UNC5C: variants seen among roughly 807,000 people sequenced by gnomAD.
UNC5C encodes the protein netrin receptor UNC5C.
Under a neutral mutation model 99.8 loss-of-function variants are expected in UNC5C, and 47 were observed. The ratio of observed to expected loss-of-function variants is 0.47; its 90% confidence interval spans 0.37 to 0.60. The LOEUF is 0.60. Ranked by LOEUF, UNC5C falls within the 20% of genes least tolerant of loss-of-function variation. The probability of loss-of-function intolerance (pLI) is 0.00; values close to 1 mark genes in which losing one functional copy is unlikely to be tolerated. For missense variants in UNC5C, 1,062 were observed against 1,165.9 expected (o/e 0.91, Z 1.30); for synonymous variants, 487 against 452.2 (o/e 1.08, Z -0.98).
At chr4:95,483,693 T>C (rs748076720) in intron 1 of UNC5C, among the ~76,000 whole-genome samples, 13 of 151,874 alleles carry the variant, frequency 8.6e-5, no homozygotes, top group Admixed American at 6.6e-4. Context: ...CTCTCCTTGA[T>C]AACATCTCTT....
At chr4:95,239,680 C>T (rs1388073517) in intron 7 of UNC5C, among the ~76,000 whole-genome samples, 2 of 152,126 alleles carry the variant, frequency 1.3e-5, no homozygotes, top group Non-Finnish European at 2.9e-5. Context: ...TCTCTTTCTG[C>T]ATGCACATGT....
intron 4 of UNC5C, among the ~76,000 whole-genome samples, chr4:95,273,057 T>A (rs1740716799): frequency 6.6e-6 from 1 of 152,234 alleles, no homozygotes; most frequent in Admixed American, 6.5e-5. Context: ...CTTAAAAAAA[T>A]CTGTTCCCTG....
intron 2 of UNC5C, among the ~76,000 whole-genome samples, chr4:95,303,285 C>G (rs1484564432): frequency 6.6e-6 from 1 of 152,198 alleles, no homozygotes; most frequent in African/African-American, 2.4e-5. Flanking sequence ...ATAGGAATCT[C>G]TGGAGGTGGG....
chr4:95,329,552 T>A (rs1743032453), intron 2 of UNC5C, among the ~76,000 whole-genome samples: 1 of 152,156 alleles, frequency 6.6e-6, no homozygotes, highest in African/African-American at 2.4e-5. Flanking sequence ...TATTAACAAA[T>A]GTTTGGATCC....
chr4:95,181,431 A>G (rs571542194), intron 14 of UNC5C, among the ~76,000 whole-genome samples: 37 of 152,298 alleles, frequency 2.4e-4, no homozygotes, highest in Admixed American at 7.2e-4. Flanking sequence ...CACGCAGCCA[A>G]TGTTCATGTG....
intron 1 of UNC5C, among the ~76,000 whole-genome samples, chr4:95,367,510 G>A (rs560393491): frequency 2.0e-5 from 3 of 151,654 alleles, no homozygotes; most frequent in East Asian, 3.9e-4. Context: ...ATGCTTTGTT[G>A]CCACTTTATT....
intron 1 of UNC5C, among the ~76,000 whole-genome samples, chr4:95,500,327 A>C (rs886520413): frequency 6.6e-6 from 1 of 152,160 alleles, no homozygotes; most frequent in African/African-American, 2.4e-5. Context: ...CCAGACAATA[A>C]ATTCCATGAG....
intron 1 of UNC5C, among the ~76,000 whole-genome samples, chr4:95,480,788 G>A (rs1188838193): frequency 1.3e-5 from 2 of 151,790 alleles, no homozygotes; most frequent in East Asian, 1.9e-4. Flanking sequence ...TGCAGAAAAG[G>A]CCTTTGACAA....
chr4:95,461,543 A>G (rs1240673808), intron 1 of UNC5C, among the ~76,000 whole-genome samples: 1 of 152,214 alleles, frequency 6.6e-6, no homozygotes, highest in Non-Finnish European at 1.5e-5. Context: ...TTACCTTACA[A>G]ATATCTCAAG....
chr4:95,370,085 A>G (rs1487598054), intron 1 of UNC5C, among the ~76,000 whole-genome samples: 6 of 152,204 alleles, frequency 3.9e-5, no homozygotes, highest in Non-Finnish European at 8.8e-5. Context: ...GCTCTCCAAC[A>G]CATTAGCCAG....
intron 3 of UNC5C, among the ~76,000 whole-genome samples, chr4:95,296,543 G>A (rs1741676553): frequency 6.6e-6 from 1 of 151,982 alleles, no homozygotes; most frequent in Non-Finnish European, 1.5e-5. Flanking sequence ...TATGAAATTG[G>A]CACAACAATG....
chr4:95,410,814 C>T (rs1171621848), intron 1 of UNC5C, among the ~76,000 whole-genome samples: 1 of 152,124 alleles, frequency 6.6e-6, no homozygotes, highest in African/African-American at 2.4e-5. Context: ...ACCCTGCTCG[C>T]CCAGTGTACA....
At chr4:95,416,141 C>T (rs139107468) in intron 1 of UNC5C, among the ~76,000 whole-genome samples, 2,402 of 152,196 alleles carry the variant, frequency 0.016, 28 homozygotes, top group Non-Finnish European at 0.022. Flanking sequence ...GATTTAAGCC[C>T]ATGTGAGGAA....
chr4:95,257,422 AG>A (rs1740043723), intron 4 of UNC5C, among the ~76,000 whole-genome samples: 2 of 152,194 alleles, frequency 1.3e-5, no homozygotes, highest in East Asian at 1.9e-4. Flanking sequence ...AGAAAAGAAA[AG>A]AAAAAAGTGG....
At chr4:95,324,990 T>C (rs1742834797) in intron 2 of UNC5C, among the ~76,000 whole-genome samples, 1 of 152,246 alleles carries the variant, frequency 6.6e-6, no homozygotes, top group Non-Finnish European at 1.5e-5. Flanking sequence ...GTTTCCTAAA[T>C]TGGCTGCAAA....
chr4:95,358,260 T>C (rs528549244), intron 1 of UNC5C, among the ~76,000 whole-genome samples: 5 of 152,316 alleles, frequency 3.3e-5, no homozygotes, highest in African/African-American at 9.6e-5. Context: ...TCCATGTGTG[T>C]CCTTTTTTAA....
At chr4:95,381,488 T>G (rs1371112570) in intron 1 of UNC5C, among the ~76,000 whole-genome samples, 1 of 152,174 alleles carries the variant, frequency 6.6e-6, no homozygotes, top group Non-Finnish European at 1.5e-5. Flanking sequence ...TTTCTAGCTT[T>G]ATTACCAGAA....
chr4:95,463,439 A>G (rs1747669706), intron 1 of UNC5C, among the ~76,000 whole-genome samples: 1 of 152,084 alleles, frequency 6.6e-6, no homozygotes, highest in South Asian at 2.1e-4. Flanking sequence ...ACAAGCAGAG[A>G]CTGAGGCTCA....
In UNC5C at chr4:95,421,004, T is replaced by G. The variant is rs562231977; in HGVS notation, c.125-85373A>C. Among the ~76,000 whole-genome samples the G allele has an allele frequency of 5.5e-4, 83 of 152,282 alleles. 2 individuals carry two copies. In the South Asian group the frequency reaches 0.015, roughly 28 times the overall value. The stretch of plus-strand genomic sequence containing the variant: ...AAATTTGGGACCTGTTCTCTAAGAA[T>G]CCTATCTTCAATCTCTAGAATGTTC... On this transcript the variant is annotated intron_variant, in intron 1 of 15. Coordinates refer to ENST00000453304, the MANE Select transcript of UNC5C (RefSeq NM_003728.4).
Sources: gnomAD v4.1 joint callset for allele counts (sites outside exome capture counted in the v4.1 genomes callset) on GRCh38, gnomAD v4.1.1 for gene constraint, MANE v1.5 for transcripts, NCBI Gene and HGNC (gene_info 2026-07-23, HGNC 2026-07-21) for gene names.